Variants in HS3ST4 observed in about 807,000 individuals in gnomAD.
HS3ST4 encodes the protein heparan sulfate-glucosamine 3-sulfotransferase 4.
In HS3ST4, 17 loss-of-function variants were observed where a neutral mutation model predicts 29.2. That is an observed-to-expected ratio of 0.58 (90% CI 0.40 to 0.87). The LOEUF (loss-of-function observed/expected upper bound fraction) is 0.87, where lower values mean the gene tolerates loss of function less well. HS3ST4 is among the 40% of genes least tolerant of loss of function. The pLI, the probability that HS3ST4 is intolerant of heterozygous loss-of-function variation, is 0.00. For synonymous variants in HS3ST4, 314 were observed against 285.7 expected (o/e 1.10, Z -1.00); for missense variants, 627 against 634.5 (o/e 0.99, Z 0.13).
intron 1 of HS3ST4, among the ~76,000 whole-genome samples, chr16:25,816,864 A>G (rs1362649314): frequency 6.6e-6 from 1 of 152,132 alleles, no homozygotes; most frequent in Non-Finnish European, 1.5e-5. Flanking sequence ...TGAATGTTCT[A>G]GCCTAGGTCT....
chr16:25,831,802 A>G (rs1214741127), intron 1 of HS3ST4, among the ~76,000 whole-genome samples: 1 of 152,122 alleles, frequency 6.6e-6, no homozygotes, highest in African/African-American at 2.4e-5. Flanking sequence ...TTAGGATATG[A>G]ATAAATATTT....
chr16:25,803,773 C>A (rs777146467), intron 1 of HS3ST4, among the ~76,000 whole-genome samples: 1 of 152,124 alleles, frequency 6.6e-6, no homozygotes, highest in Non-Finnish European at 1.5e-5. Flanking sequence ...ACATCCATTG[C>A]AGCAGAGATG....
In HS3ST4 at chr16:25,873,413, T is replaced by TCCATCCAC. The variant is rs1413510879; in HGVS notation, c.734+180265_734+180266insTCCACCCA. ...ATCCATCCATCCATCCATCCATCCA[T>TCCATCCAC]CCACCCATCCATCCATTAATCCATC... is the stretch of plus-strand genomic sequence containing the variant. On this transcript the variant is annotated intron_variant, in intron 1 of 1. Transcript: ENST00000331351. Among the ~76,000 whole-genome samples the TCCATCCAC allele has an allele frequency of 3.7e-4, 26 of 69,754 alleles. No individual in the cohort carries two copies. The East Asian group carries it at 4.9e-3, about 13-fold the overall frequency. 45.8% of individuals were successfully genotyped at this position (69,754 alleles called of 152,430 possible). A position where few individuals can be genotyped will look rare whatever the true frequency, so the allele number is the denominator to read the frequency against.
intron 1 of HS3ST4, among the ~76,000 whole-genome samples, chr16:25,823,949 A>G (rs1967189811): frequency 6.6e-6 from 1 of 152,238 alleles, no homozygotes; most frequent in Non-Finnish European, 1.5e-5. Context: ...CTAACAGCCT[A>G]AAAAGCAGTA....
chr16:25,814,298 A>G (rs1457163505), intron 1 of HS3ST4, among the ~76,000 whole-genome samples: 1 of 152,126 alleles, frequency 6.6e-6, no homozygotes, highest in African/African-American at 2.4e-5. Flanking sequence ...GACGGGCAGA[A>G]ATAGAAGATG....
Position 25,836,834 on chromosome 16 carries a change from A to G in HS3ST4, c.734+143683A>G, listed in dbSNP as rs189724025. ...AGAAAACCCAAGGTAGCAAGAATTCATATTAAAGGAAGCCTACACAATTTA... is the reference window on the plus strand; with the variant it reads ...AGAAAACCCAAGGTAGCAAGAATTCGTATTAAAGGAAGCCTACACAATTTA... On this transcript the variant is annotated intron_variant, in intron 1 of 1. Transcript: ENST00000331351. Among the ~76,000 whole-genome samples, 7 of 152,360 alleles carry G rather than the reference A, an allele frequency of 4.6e-5. No individual in the cohort carries two copies. The East Asian group carries it at 1.3e-3, about 29-fold the overall frequency.
At chr16:25,761,980 G>C (rs192810619) in intron 1 of HS3ST4, among the ~76,000 whole-genome samples, 1 of 152,252 alleles carries the variant, frequency 6.6e-6, no homozygotes, top group African/African-American at 2.4e-5. Context: ...ATAGTTTGAA[G>C]CCCTCACCCC....
chr16:26,078,210 G>A (rs375721153), intron 1 of HS3ST4, among the ~76,000 whole-genome samples: 3 of 151,992 alleles, frequency 2.0e-5, no homozygotes, highest in Non-Finnish European at 4.4e-5. Context: ...GCATGATCTC[G>A]GCACACTGCA....
chr16:26,011,720 G>T (rs1370292614), intron 1 of HS3ST4, among the ~76,000 whole-genome samples: 1 of 98,664 alleles, frequency 1.0e-5, no homozygotes, highest in African/African-American at 4.3e-5. Flanking sequence ...GAGACAGAGA[G>T]AGGTGTGTGT....
chr16:26,122,179 CAA>C (rs200699173), intron 1 of HS3ST4, among the ~76,000 whole-genome samples: 25 of 101,262 alleles, frequency 2.5e-4, no homozygotes, highest in Admixed American at 4.1e-4. Context: ...ATAAACTAAG[CAA>C]AAAAAAAAAA....
intron 1 of HS3ST4, among the ~76,000 whole-genome samples, chr16:25,873,540 T>TTCCC (rs1967790710): frequency 7.3e-6 from 1 of 137,470 alleles, no homozygotes; most frequent in East Asian, 2.2e-4. Flanking sequence ...CTATCTATCT[T>TTCCC]TCTCTATCTA....
chr16:26,051,945 C>T (rs983906941), intron 1 of HS3ST4, among the ~76,000 whole-genome samples: 2 of 136,518 alleles, frequency 1.5e-5, no homozygotes, highest in Non-Finnish European at 3.1e-5. Flanking sequence ...TTCCGTCCTT[C>T]CTTCCTTCCT....
At chr16:25,818,153 A>G (rs544719537) in intron 1 of HS3ST4, among the ~76,000 whole-genome samples, 5 of 152,354 alleles carry the variant, frequency 3.3e-5, no homozygotes, top group Non-Finnish European at 7.4e-5. Flanking sequence ...GTTCTATGCT[A>G]TGGGCTAAAA....
At chr16:25,893,180 G>A (rs1968026950) in intron 1 of HS3ST4, among the ~76,000 whole-genome samples, 1 of 152,124 alleles carries the variant, frequency 6.6e-6, no homozygotes, top group Non-Finnish European at 1.5e-5. Flanking sequence ...ATAAATAAAA[G>A]GAGACTAGGA....
intron 1 of HS3ST4, among the ~76,000 whole-genome samples, chr16:25,936,003 T>G (rs1387997578): frequency 6.6e-6 from 1 of 152,114 alleles, no homozygotes; most frequent in Admixed American, 6.6e-5. Context: ...AACTTCTGGG[T>G]TTAAGCCATC....
chr16:26,056,040 CAGAGAGAGAG>C (rs55688033), intron 1 of HS3ST4, among the ~76,000 whole-genome samples: 25,690 of 147,588 alleles, frequency 0.17, 2,272 homozygotes, highest in African/African-American at 0.21. Context: ...AAGAGAGAGA[CAGAGAGAGAG>C]AGAGAGAGAG....
intron 1 of HS3ST4, among the ~76,000 whole-genome samples, chr16:25,941,382 C>T (rs1211452260): frequency 1.3e-5 from 2 of 151,706 alleles, no homozygotes; most frequent in African/African-American, 4.9e-5. Context: ...TGGTCTTGAA[C>T]TCCCACCTCA....
intron 1 of HS3ST4, among the ~76,000 whole-genome samples, chr16:26,030,910 T>C (rs2141753232): frequency 6.6e-6 from 1 of 152,308 alleles, no homozygotes. Flanking sequence ...CCAAAGAACA[T>C]GAACTCCATA....
chr16:25,945,961 T>C (rs1446853226), intron 1 of HS3ST4, among the ~76,000 whole-genome samples: 2 of 152,214 alleles, frequency 1.3e-5, no homozygotes, highest in Non-Finnish European at 2.9e-5. Context: ...AATGAAGTTA[T>C]CATTCTGTCC....
Sources: allele counts gnomAD v4.1 joint callset (sites outside exome capture counted in the v4.1 genomes callset), GRCh38; gene constraint gnomAD v4.1.1; transcripts MANE v1.5; gene names NCBI Gene and HGNC (gene_info 2026-07-23, HGNC 2026-07-21).